C1QTNF3: variants seen among roughly 807,000 people sequenced by gnomAD.
C1QTNF3 encodes the protein complement C1q tumor necrosis factor-related protein 3.
Under a neutral mutation model 32.6 loss-of-function variants are expected in C1QTNF3, and 26 were observed. The ratio of observed to expected loss-of-function variants is 0.80; its 90% CI spans 0.58 to 1.11. The LOEUF is 1.11. C1QTNF3 is among the 50% of genes least tolerant of loss of function. The probability of loss-of-function intolerance (pLI) is 0.00; values close to 1 mark genes in which losing one functional copy is unlikely to be tolerated. For synonymous variants in C1QTNF3, 155 were observed against 146.0 expected (o/e 1.06, Z -0.44); for missense variants, 362 against 398.2 (o/e 0.91, Z 0.77).
the C1QTNF3 span, among the ~76,000 whole-genome samples, chr5:34,141,351 C>T: frequency 6.6e-6 from 1 of 152,128 alleles, no homozygotes; most frequent in Non-Finnish European, 1.5e-5. Context: ...ATCTCCTGAC[C>T]TCGTGATCTG....
chr5:34,163,472 T>C, the C1QTNF3 span, among the ~76,000 whole-genome samples: 4 of 100,428 alleles, frequency 4.0e-5, no homozygotes, highest in Non-Finnish European at 6.6e-5. Context: ...ATGTATTTTA[T>C]TATGATTGAT....
chr5:34,155,062 T>A, the C1QTNF3 span, among the ~76,000 whole-genome samples: 1 of 152,194 alleles, frequency 6.6e-6, no homozygotes, highest in South Asian at 2.1e-4. Flanking sequence ...GCAGATATCA[T>A]GAGAATAATT....
At chr5:34,146,445 CATG>C in the C1QTNF3 span, among the ~76,000 whole-genome samples, 5 of 152,132 alleles carry the variant, frequency 3.3e-5, no homozygotes, top group African/African-American at 1.2e-4. Flanking sequence ...ATAAAAATAG[CATG>C]ATACTTGTAC....
chr5:34,175,797 T>C, the C1QTNF3 span: 20 of 737,050 alleles, frequency 2.7e-5, no homozygotes, highest in East Asian at 4.9e-5. Context: ...GGGTACATTA[T>C]CCCATGCGCT....
the C1QTNF3 span, among the ~76,000 whole-genome samples, chr5:34,230,418 G>A: frequency 2.6e-5 from 4 of 152,038 alleles, no homozygotes; most frequent in African/African-American, 9.7e-5. Context: ...GCAAATCAGT[G>A]CATGTTTCAT....
chr5:34,093,861 G>T, the C1QTNF3 span, among the ~76,000 whole-genome samples: 1 of 152,238 alleles, frequency 6.6e-6, no homozygotes, highest in East Asian at 1.9e-4. Context: ...GGAACTCTCC[G>T]ACCTTCGGGT....
At chr5:34,155,719 G>A in the C1QTNF3 span, among the ~76,000 whole-genome samples, 1 of 152,060 alleles carries the variant, frequency 6.6e-6, no homozygotes, top group East Asian at 1.9e-4. Context: ...ATATGGAAGT[G>A]GTAGGTTTTC....
chr5:34,099,181 G>A, the C1QTNF3 span, among the ~76,000 whole-genome samples: 1 of 151,940 alleles, frequency 6.6e-6, no homozygotes, highest in Non-Finnish European at 1.5e-5. Flanking sequence ...TGAAATTACT[G>A]TTTTGAAATG....
Position 34,043,008 on chromosome 5 carries a change from T to G in C1QTNF3, c.118A>C (p.Ile40Leu). 1 of 1,614,220 alleles carries G rather than the reference T, an allele frequency of 6.2e-7. No homozygotes were observed. Among genetic ancestry groups the G allele is most frequent in the Non-Finnish European group, 8.5e-7 (1 of 1,180,028 alleles). Residue 40 changes from isoleucine (I) to leucine (L), a missense_variant, in exon 1 of 6, where the codon ATA becomes CTA. Ile to Leu is a conservative substitution (Grantham distance 5). Transcript: ENST00000382065. ...CCAGTCTGCTGGTGGCTTTGCACTA[T>G]TCTTGCCACCACTTTATTAGTTCTT... ...SGRTNKVVARIVQSHQQTGRS... is the reference protein window; with the variant it reads ...SGRTNKVVARLVQSHQQTGRS...
At chr5:34,212,204 G>T in the C1QTNF3 span, among the ~76,000 whole-genome samples, 2 of 151,198 alleles carry the variant, frequency 1.3e-5, no homozygotes, top group African/African-American at 2.4e-5. Context: ...TAGTCATATG[G>T]AGAAAGCTGA....
intron 5 of C1QTNF3, among the ~76,000 whole-genome samples, chr5:34,022,922 C>T (rs1754374124): frequency 6.6e-6 from 1 of 152,222 alleles, no homozygotes; most frequent in South Asian, 2.1e-4. Context: ...GTGGCGCAAT[C>T]TCAGCTTACT....
the C1QTNF3 span, among the ~76,000 whole-genome samples, chr5:34,059,314 C>A: frequency 9.9e-5 from 15 of 152,202 alleles, no homozygotes; most frequent in East Asian, 2.7e-3. Context: ...TTAAGGCTAC[C>A]AGTTGGATTG....
At chr5:34,039,457 C>T (rs1377769632) in intron 1 of C1QTNF3, among the ~76,000 whole-genome samples, 1 of 152,116 alleles carries the variant, frequency 6.6e-6, no homozygotes, top group Non-Finnish European at 1.5e-5. Flanking sequence ...ATTGAGGAGC[C>T]AAGAATTGAG....
chr5:34,197,919 T>C, the C1QTNF3 span, among the ~76,000 whole-genome samples: 2 of 151,924 alleles, frequency 1.3e-5, no homozygotes, highest in African/African-American at 4.8e-5. Context: ...TCAAGGACGC[T>C]TTTTGGGGTC....
At chr5:34,235,855 G>A in the C1QTNF3 span, among the ~76,000 whole-genome samples, 2 of 152,390 alleles carry the variant, frequency 1.3e-5, no homozygotes, top group Admixed American at 1.3e-4. Flanking sequence ...AATAGTGCTA[G>A]TTGCTTTGAC....
chr5:34,087,308 A>G, the C1QTNF3 span, among the ~76,000 whole-genome samples: 1 of 151,680 alleles, frequency 6.6e-6, no homozygotes, highest in Non-Finnish European at 1.5e-5. Flanking sequence ...AAAAAAAATC[A>G]TCTTGGCATT....
chr5:34,218,658 C>T, the C1QTNF3 span, among the ~76,000 whole-genome samples: 1 of 151,910 alleles, frequency 6.6e-6, no homozygotes, highest in Admixed American at 6.6e-5. Flanking sequence ...GAGAGTTTTG[C>T]GAACAGTTTT....
intron 3 of C1QTNF3, among the ~76,000 whole-genome samples, chr5:34,029,236 C>T (rs299598): frequency 0.078 from 11,935 of 152,128 alleles, 968 homozygotes; most frequent in East Asian, 0.37. Context: ...CTGAGAAACC[C>T]TATAGCCAAA....
At chr5:34,154,727 G>A in the C1QTNF3 span, among the ~76,000 whole-genome samples, 1 of 152,068 alleles carries the variant, frequency 6.6e-6, no homozygotes, top group Non-Finnish European at 1.5e-5. Flanking sequence ...TCTGGAAGTA[G>A]GACATGATAA....
Sources: gnomAD v4.1 joint callset for allele counts (sites outside exome capture counted in the v4.1 genomes callset) on GRCh38, gnomAD v4.1.1 for gene constraint, MANE v1.5 for transcripts, NCBI Gene and HGNC (gene_info 2026-07-23, HGNC 2026-07-21) for gene names.